The following CDCA7L variants were observed in gnomAD, a reference collection of about 807,000 sequenced individuals.
CDCA7L encodes the protein cell division cycle associated 7 like, also known as cell division cycle-associated 7-like protein.
CDCA7L carries 44 observed loss-of-function variants against 57.4 expected under a neutral mutation model. The observed-to-expected ratio is 0.77, with a 90% CI of 0.60 to 0.98. The LOEUF is 0.98. CDCA7L is among the 50% of genes least tolerant of loss of function. CDCA7L has a pLI of 0.00. For missense variants in CDCA7L, 644 were observed against 580.6 expected (o/e 1.11, Z -1.12); for synonymous variants, 236 against 202.8 (o/e 1.16, Z -1.39).
chr7:21,930,892 CAAAG>C (rs1489991523), intron 1 of CDCA7L, among the ~76,000 whole-genome samples: 2 of 150,518 alleles, frequency 1.3e-5, no homozygotes, highest in East Asian at 1.9e-4. Flanking sequence ...GCTAGCCAGA[CAAAG>C]AAGAAAAGAG....
In CDCA7L at chr7:21,905,578, C is replaced by T; in HGVS notation, c.975G>A (p.Val325=). The T allele has an allele frequency of 6.2e-7, 1 of 1,614,028 alleles. No individual in the cohort carries two copies. Among genetic ancestry groups the T allele is most frequent in the Non-Finnish European group, 8.5e-7 (1 of 1,179,976 alleles). The change falls in exon 7 of 10, where the codon GTG becomes GTA. Residue 325 remains valine, a synonymous_variant. Transcript: ENST00000406877. ...RRHRISSFRP[V]EDITEEDLEN... is the part of the protein sequence containing the mutation. Reference sequence around the variant, plus strand: ...CTAAGTCCTCTTCGGTGATATCCTCCACTGGCCGAAAAGAAGATATACGGT... The same window carrying T: ...CTAAGTCCTCTTCGGTGATATCCTCTACTGGCCGAAAAGAAGATATACGGT...
intron 4 of CDCA7L, 25 bp downstream of exon 4, chr7:21,908,105 C>A: frequency 2.0e-6 from 3 of 1,497,252 alleles, no homozygotes; most frequent in Non-Finnish European, 2.6e-6. Context: ...TGCCAACTCC[C>A]AGGACGCCCT....
intron 8 of CDCA7L, among the ~76,000 whole-genome samples, chr7:21,903,484 T>C (rs1785014087): frequency 6.6e-6 from 1 of 152,168 alleles, no homozygotes; most frequent in Non-Finnish European, 1.5e-5. Flanking sequence ...CAATGTGTGC[T>C]TATTGTTGAA....
intron 1 of CDCA7L, among the ~76,000 whole-genome samples, chr7:21,937,665 A>C (rs866839298): frequency 3.3e-5 from 5 of 151,954 alleles, no homozygotes; most frequent in African/African-American, 9.7e-5. Flanking sequence ...AAAAAAGAAC[A>C]GTGTTAGAGG....
At chr7:21,915,945 T>C (rs191813666) in intron 2 of CDCA7L, among the ~76,000 whole-genome samples, 4 of 152,160 alleles carry the variant, frequency 2.6e-5, no homozygotes, top group African/African-American at 9.6e-5. Flanking sequence ...CCAAATGAGA[T>C]GAGGACGACA....
chr7:21,937,950 T>A lies in CDCA7L; in HGVS notation c.24+7831A>T, dbSNP rs117713515. On this transcript the variant is annotated intron_variant, in intron 1 of 9. Coordinates refer to ENST00000406877, the MANE Select transcript of CDCA7L (RefSeq NM_018719.5). ...ACTCAAGATGGATCAAAGATCTAAA[T>A]ATAAGAGCTAAAACTATAAAACTCA... Among the ~76,000 whole-genome samples, 5 of 152,226 alleles carry A rather than the reference T, an allele frequency of 3.3e-5. No individual in the cohort carries two copies. The East Asian group carries it at 9.7e-4, about 29-fold the overall frequency.
intron 1 of CDCA7L, among the ~76,000 whole-genome samples, chr7:21,934,877 T>C (rs559257661): frequency 1.3e-5 from 2 of 152,184 alleles, no homozygotes; most frequent in Admixed American, 6.5e-5. Flanking sequence ...ATTATAAATA[T>C]ATACACACAC....
Position 21,916,756 on chromosome 7 carries a change from G to C in CDCA7L, c.163C>G (p.Gln55Glu). The C allele has an allele frequency of 6.2e-7, 1 of 1,613,836 alleles. No individual in the cohort carries two copies. Among genetic ancestry groups the C allele is most frequent in the African/African-American group, 1.3e-5 (1 of 74,968 alleles). The change falls in exon 2 of 10, where the codon CAG becomes GAG. Residue 55 changes from glutamine to glutamate, a missense_variant and splice_region_variant. Coordinates refer to ENST00000406877, the MANE Select transcript of CDCA7L (RefSeq NM_018719.5). Reference protein sequence around the residue: ...DSFDSLESGKQQDVRFHSKYF... With the variant: ...DSFDSLESGKEQDVRFHSKYF... ...TGCTTGGAAGGAATCATCCATACCTGTTTCCCTGACTCTAGTGAGTCAAAA... is the reference window on the plus strand; with the variant it reads ...TGCTTGGAAGGAATCATCCATACCTCTTTCCCTGACTCTAGTGAGTCAAAA...
At chr7:21,902,677 T>C (rs1784964213) in intron 9 of CDCA7L, 1 of 487,444 alleles carries the variant, frequency 2.1e-6, no homozygotes, top group Admixed American at 3.5e-5. Flanking sequence ...AATCTGTGTC[T>C]TTCCCCTCAG....
intron 7 of CDCA7L, among the ~76,000 whole-genome samples, chr7:21,904,811 A>G (rs1427903150): frequency 6.6e-6 from 1 of 152,146 alleles, no homozygotes; most frequent in African/African-American, 2.4e-5. Flanking sequence ...AGGTCAGATG[A>G]GGCTGAGCAG....
intron 1 of CDCA7L, among the ~76,000 whole-genome samples, chr7:21,943,731 A>C (rs1227030194): frequency 6.7e-6 from 1 of 150,150 alleles, no homozygotes; most frequent in Admixed American, 6.6e-5. Flanking sequence ...CAGAAAAGGA[A>C]AAAAAAAAAA....
chr7:21,934,154 C>A (rs767694438), intron 1 of CDCA7L, among the ~76,000 whole-genome samples: 2 of 152,048 alleles, frequency 1.3e-5, no homozygotes, highest in Admixed American at 6.6e-5. Context: ...AATATAAAAA[C>A]TAGAGTATTA....
In CDCA7L at chr7:21,906,685, AG is replaced by A. The variant is rs747480018; in HGVS notation, c.682-47del. The A allele has an allele frequency of 3.8e-6, 6 of 1,586,986 alleles. No individual in the cohort carries two copies. In the East Asian group the frequency reaches 8.9e-5, roughly 24 times the overall value. ...AAGAATCTTACAAAAATAGGGCTCC[AG>A]GTTTAGGTCATCCAACACCTATCTC... On this transcript the variant is annotated intron_variant, in intron 4 of 9. Coordinates refer to ENST00000406877, the MANE Select transcript of CDCA7L (RefSeq NM_018719.5).
rs528237161 is a variant in CDCA7L, at chr7:21,944,218, C to T, written c.24+1563G>A. Among the ~76,000 whole-genome samples the T allele has an allele frequency of 3.2e-3, 490 of 150,888 alleles. 2 individuals are homozygous for T. Among genetic ancestry groups the T allele is most frequent in the African/African-American group, 0.011 (470 of 40,950 alleles). ...CTTTGGGAGGCCGAGGCAGGTGGAT[C>T]ACCTGAGGTCAGCAGTTCAAGACCA... On this transcript the variant is annotated intron_variant, in intron 1 of 9. Transcript: ENST00000406877.
intron 1 of CDCA7L, among the ~76,000 whole-genome samples, chr7:21,919,142 A>G (rs1205578496): frequency 6.6e-6 from 1 of 152,170 alleles, no homozygotes; most frequent in East Asian, 1.9e-4. Context: ...TAGGGACTGC[A>G]AAAGAGAAAT....
At chr7:21,915,634 C>CAA (rs1785456632) in intron 2 of CDCA7L, among the ~76,000 whole-genome samples, 1 of 58,968 alleles carries the variant, frequency 1.7e-5, no homozygotes, top group African/African-American at 7.7e-5. Flanking sequence ...CCCATCACTA[C>CAA]TAAAAAAAAA....
At position 21,945,841 on chromosome 7, in the gene CDCA7L, G is replaced by A; in HGVS notation, c.-37C>T. On this transcript the variant is annotated 5_prime_UTR_variant, in exon 1 of 10. Transcript: ENST00000406877. ...GGGCTCCAGTCTCCTCCCAGCACGC[G>A]GCCACGGGAGCCCGGACTCACCACG... The A allele has an allele frequency of 2.5e-6, 4 of 1,589,798 alleles. No homozygotes were observed. Among genetic ancestry groups the A allele is most frequent in the African/African-American group, 1.4e-5 (1 of 72,302 alleles).
In CDCA7L at chr7:21,906,745, C is replaced by T. The variant is rs1164911536; in HGVS notation, c.682-106G>A. 4 of 1,026,670 alleles carry T rather than the reference C, an allele frequency of 3.9e-6. No individual in the cohort carries two copies. In the East Asian group the frequency reaches 9.8e-5, roughly 25 times the overall value. 63.6% of individuals were successfully genotyped at this position (1,026,670 alleles called of 1,614,324 possible). ...CATTTTGCCACCATAAGAAACCTAACTTGAATAGTTTATATAACCCACAAC... is the reference window on the plus strand; with the variant it reads ...CATTTTGCCACCATAAGAAACCTAATTTGAATAGTTTATATAACCCACAAC... On this transcript the variant is annotated intron_variant, in intron 4 of 9. Coordinates refer to ENST00000406877, the MANE Select transcript of CDCA7L (RefSeq NM_018719.5).
chr7:21,923,764 G>T (rs772415033), intron 1 of CDCA7L, among the ~76,000 whole-genome samples: 1 of 152,170 alleles, frequency 6.6e-6, no homozygotes, highest in Non-Finnish European at 1.5e-5. Flanking sequence ...ATAGTCTGGA[G>T]GACAAAGCTG....
Sources: gnomAD v4.1 joint callset for allele counts (sites outside exome capture counted in the v4.1 genomes callset) on GRCh38, gnomAD v4.1.1 for gene constraint, MANE v1.5 for transcripts, NCBI Gene and HGNC (gene_info 2026-07-23, HGNC 2026-07-21) for gene names.